CXCL12: variants seen among roughly 807,000 people sequenced by gnomAD.
CXCL12 encodes the protein stromal cell-derived factor 1.
Under a neutral mutation model 10.7 loss-of-function variants are expected in CXCL12, and 4 were observed. The observed-to-expected ratio is 0.37, with a 90% CI of 0.18 to 0.86. The LOEUF is 0.86. CXCL12 is among the 40% of genes least tolerant of loss of function. CXCL12 has a pLI of 0.43. For synonymous variants in CXCL12, 54 were observed against 45.4 expected, an observed-to-expected ratio of 1.19 and a Z score of -0.77; for missense variants, 122 against 110.4, an observed-to-expected ratio of 1.10 and a Z score of -0.47.
Position 44,377,848 on chromosome 10 carries a change from A to C in CXCL12, c.*785T>G. 2 of 1,592,110 alleles carry C rather than the reference A, an allele frequency of 1.3e-6. No individual in the cohort carries two copies. Among genetic ancestry groups the C allele is most frequent in the Non-Finnish European group, 1.7e-6 (2 of 1,177,108 alleles). On this transcript the variant is annotated 3_prime_UTR_variant, in exon 3 of 3. Transcript: ENST00000343575. The stretch of plus-strand genomic sequence containing the variant: ...TGGGGCAGGCCCTGGGAGGAGAGGG[A>C]TGCAGGGCACGAGCCCCAGCAATCA...
intron 1 of CXCL12, among the ~76,000 whole-genome samples, chr10:44,383,609 CGG>C (rs60154270): frequency 0.05 from 918 of 18,202 alleles, 19 homozygotes; most frequent in African/African-American, 0.13. Flanking sequence ...CCATGACTTG[CGG>C]GGGGGGGGGG....
At position 44,377,568 on chromosome 10, in the gene CXCL12, T is replaced by C. The variant is rs1460482743; in HGVS notation, c.*1065A>G. 9 of 1,462,838 alleles carry C rather than the reference T, an allele frequency of 6.2e-6. No homozygotes were observed. Among genetic ancestry groups the C allele is most frequent in the South Asian group, 2.8e-5 (2 of 70,684 alleles). The allele number at this position is 1,462,838 out of a possible 1,614,324, so 90.6% of individuals were successfully genotyped here. ...TCAGGAGGGGGTAGTGGCAAGATGA[T>C]GGTTTATTCACTGATTTTTTCGCTT... On this transcript the variant is annotated 3_prime_UTR_variant, in exon 3 of 3. Transcript: ENST00000343575.
At chr10:44,383,163 G>A (rs12357238) in intron 1 of CXCL12, among the ~76,000 whole-genome samples, 5,550 of 152,320 alleles carry the variant, frequency 0.036, 112 homozygotes, top group East Asian at 0.055. Flanking sequence ...AGCTCTCTCT[G>A]TAGTGCAGCT....
At chr10:44,381,499 C>A (rs1240943155) in intron 1 of CXCL12, among the ~76,000 whole-genome samples, 1 of 152,256 alleles carries the variant, frequency 6.6e-6, no homozygotes, top group Non-Finnish European at 1.5e-5. Context: ...GACCCACCTT[C>A]TGCCCAGCAC....
At chr10:44,375,614 G>A (rs266087), downstream of CXCL12, among the ~76,000 whole-genome samples, 49,384 of 152,168 alleles carry the variant, frequency 0.32, 8,503 homozygotes, top group East Asian at 0.53. Context: ...AGTGGAGGGC[G>A]GGCTGGGGGG....
chr10:44,372,875 A>G, downstream of CXCL12: 3 of 1,533,540 alleles, frequency 2.0e-6, no homozygotes, highest in Non-Finnish European at 2.6e-6. Flanking sequence ...CATCCCACAG[A>G]GAGAAGCCTT....
At chr10:44,373,317 G>C (rs369188947), downstream of CXCL12, 1 of 1,607,118 alleles carries the variant, frequency 6.2e-7, no homozygotes, top group African/African-American at 1.3e-5. Flanking sequence ...TTCCTCAGGC[G>C]TCTGACCCTC....
rs538366694 is a variant in CXCL12, at chr10:44,377,127, C to T, written c.*1506G>A. 1.6e-5 allele frequency: 16 copies of T among 986,070 alleles called. No homozygotes were observed. Among genetic ancestry groups the T allele is most frequent in the Middle Eastern group, 5.2e-4 (1 of 1,912 alleles). The allele number at this position is 986,070 out of a possible 1,614,324, so 61.1% of individuals were successfully genotyped here. A position where few individuals can be genotyped will look rare whatever the true frequency, so the allele number is the denominator to read the frequency against. On this transcript the variant is annotated 3_prime_UTR_variant, in exon 3 of 3. Coordinates refer to ENST00000343575, the MANE Select transcript of CXCL12 (RefSeq NM_199168.4). ...AAATAAATTCCCACATACAGTAGGACGTTTATACCATGAAACAATTAGCAT... is the reference window on the plus strand; with the variant it reads ...AAATAAATTCCCACATACAGTAGGATGTTTATACCATGAAACAATTAGCAT...
intron 1 of CXCL12, among the ~76,000 whole-genome samples, chr10:44,384,561 T>C (rs1244931166): frequency 6.6e-6 from 1 of 152,176 alleles, no homozygotes; most frequent in African/African-American, 2.4e-5. Flanking sequence ...CCCATTCGCC[T>C]GTGGAAACCG....
At chr10:44,376,028 GC>G (rs754461740), downstream of CXCL12, 9 of 1,612,254 alleles carry the variant, frequency 5.6e-6, no homozygotes, top group Non-Finnish European at 7.6e-6. Flanking sequence ...TCTTCTCTGC[GC>G]CCCCTTAGAT....
At chr10:44,381,116 C>T (rs1296739370) in intron 1 of CXCL12, among the ~76,000 whole-genome samples, 3 of 152,168 alleles carry the variant, frequency 2.0e-5, no homozygotes, top group African/African-American at 4.8e-5. Context: ...TGGGGAGAGC[C>T]GGAGCCTAGA....
Position 44,378,345 on chromosome 10 carries a change from T to A in CXCL12, c.*288A>T. The A allele has an allele frequency of 6.7e-7, 1 of 1,500,452 alleles. No homozygotes were observed. The highest frequency in any genetic ancestry group is 1.1e-5 in the South Asian group (1 of 89,184). The allele number at this position is 1,500,452 out of a possible 1,614,324, so 92.9% of individuals were successfully genotyped here. On this transcript the variant is annotated 3_prime_UTR_variant, in exon 3 of 3. Coordinates refer to ENST00000343575, the MANE Select transcript of CXCL12 (RefSeq NM_199168.4). ...GGAACTAACTGCTTGAAAATGCTGT[T>A]GATAATACAATTTCTTTCTTAGAAA...
At position 44,378,221 on chromosome 10, in the gene CXCL12, A is replaced by G; in HGVS notation, c.*412T>C. On this transcript the variant is annotated 3_prime_UTR_variant, in exon 3 of 3. Transcript: ENST00000343575. ...TGACTGTGCCCAGACTCCCCAGGGG[A>G]GCAGAGGAGATGCTCCAAACAAGCC... 6.9e-7 allele frequency: 1 copy of G among 1,452,598 alleles called. No individual in the cohort carries two copies. The highest frequency in any genetic ancestry group is 1.2e-5 in the South Asian group (1 of 82,450). The allele number at this position is 1,452,598 out of a possible 1,614,324, so 90.0% of individuals were successfully genotyped here.
chr10:44,370,262 T>C (rs933383554), exon 4 of CXCL12: 1 of 152,380 alleles, frequency 6.6e-6, no homozygotes, highest in South Asian at 2.1e-4. Context: ...TCTCAAAGAG[T>C]TGTTTCTTAT....
At position 44,378,572 on chromosome 10, in the gene CXCL12, C is replaced by T. The variant is rs1839530331; in HGVS notation, c.*61G>A. On this transcript the variant is annotated 3_prime_UTR_variant, in exon 3 of 3. Transcript: ENST00000343575. Reference sequence around the variant, plus strand: ...CCCCCACGTCTTTGCCCTTTCATCTCTCACAAGGTTTTAGTTTTCCTCGAG... The same window carrying T: ...CCCCCACGTCTTTGCCCTTTCATCTTTCACAAGGTTTTAGTTTTCCTCGAG... 6.2e-7 allele frequency: 1 copy of T among 1,611,986 alleles called. No homozygotes were observed. The highest frequency in any genetic ancestry group is 1.3e-5 in the African/African-American group (1 of 74,866).
rs1839528247 is a variant in CXCL12 at position 44,378,523 on chromosome 10, T to G, written c.*110A>C. 6.4e-7 allele frequency: 1 copy of G among 1,568,074 alleles called. No homozygotes were observed. The highest frequency in any genetic ancestry group is 1.3e-5 in the African/African-American group (1 of 74,140). ...AATGTGCCCACCCCACACACACACC[T>G]GGTCCTCATGGTTAAGGCCCCCTCC... On this transcript the variant is annotated 3_prime_UTR_variant, in exon 3 of 3. Transcript: ENST00000343575.
intron 1 of CXCL12, among the ~76,000 whole-genome samples, chr10:44,384,159 A>T (rs1317496989): frequency 1.3e-5 from 2 of 152,164 alleles, no homozygotes; most frequent in Non-Finnish European, 2.9e-5. Context: ...AGCTGGTGAC[A>T]AAAGAGCCTG....
chr10:44,371,248 G>C, downstream of CXCL12: 1 of 303,974 alleles, frequency 3.3e-6, no homozygotes, highest in East Asian at 1.2e-4. Flanking sequence ...TTCTCCCATG[G>C]AGGAGAAATA....
In CXCL12 at chr10:44,385,059, C is replaced by G. The variant is rs1407636523; in HGVS notation, c.-54G>C. ...CGAGCGCGGGTCGGGGGCCGGACGC[C>G]GAGCGGGCAATGCGGCTGACGGAGA... On this transcript the variant is annotated 5_prime_UTR_variant, in exon 1 of 3. Coordinates refer to ENST00000343575, the MANE Select transcript of CXCL12 (RefSeq NM_199168.4). The G allele has an allele frequency of 1.7e-5, 23 of 1,342,596 alleles. No individual in the cohort carries two copies. Among genetic ancestry groups the G allele is most frequent in the South Asian group, 2.9e-5 (2 of 69,192 alleles). The allele number at this position is 1,342,596 out of a possible 1,614,324, so 83.2% of individuals were successfully genotyped here.
Sources: allele counts gnomAD v4.1 joint callset (sites outside exome capture counted in the v4.1 genomes callset), GRCh38; gene constraint gnomAD v4.1.1; transcripts MANE v1.5; gene names NCBI Gene and HGNC (gene_info 2026-07-23, HGNC 2026-07-21).